The following NEK6 variants were observed in gnomAD, a reference collection of about 807,000 sequenced individuals.
NEK6 encodes serine/threonine-protein kinase Nek6.
A neutral mutation model predicts 43.5 loss-of-function variants in NEK6; 27 were observed. The ratio of observed to expected loss-of-function variants is 0.62; its 90% CI spans 0.46 to 0.86. The LOEUF is 0.86. Ranked by LOEUF, NEK6 falls within the 40% of genes least tolerant of loss-of-function variation. The pLI is 0.00. For missense variants in NEK6, 318 were observed against 414.4 expected (o/e 0.77, Z 2.02); for synonymous variants, 167 against 164.1 (o/e 1.02, Z -0.14).
intron 9 of NEK6, among the ~76,000 whole-genome samples, chr9:124,348,297 C>T (rs1830059630): frequency 6.6e-6 from 1 of 152,188 alleles, no homozygotes; most frequent in Non-Finnish European, 1.5e-5. Context: ...ACACCCTGGG[C>T]TTCTACTGTC....
At chr9:124,274,377 G>A (rs1831573434) in intron 1 of NEK6, among the ~76,000 whole-genome samples, 2 of 152,378 alleles carry the variant, frequency 1.3e-5, no homozygotes, top group African/African-American at 2.4e-5. Flanking sequence ...CAGATGCCTG[G>A]CACTGTGCTG....
At chr9:124,327,536 C>A in intron 7 of NEK6, 91 bp downstream of exon 7, 1 of 978,164 alleles carries the variant, frequency 1.0e-6, no homozygotes, top group South Asian at 1.3e-5. Context: ...TGTGTTTGGT[C>A]AGTTAGTGCA....
intron 7 of NEK6, among the ~76,000 whole-genome samples, chr9:124,332,497 T>C (rs1226271202): frequency 6.6e-6 from 1 of 152,164 alleles, no homozygotes; most frequent in Non-Finnish European, 1.5e-5. Flanking sequence ...CACCTGCCCC[T>C]GTCTGTCCCA....
intron 7 of NEK6, among the ~76,000 whole-genome samples, chr9:124,339,360 G>A (rs756068132): frequency 2.0e-5 from 3 of 152,010 alleles, no homozygotes; most frequent in Admixed American, 6.6e-5. Flanking sequence ...CACCCCAGGT[G>A]TTTAGTGCCC....
At chr9:124,305,567 AAAG>A (rs1454773908) in intron 2 of NEK6, among the ~76,000 whole-genome samples, 5 of 150,092 alleles carry the variant, frequency 3.3e-5, no homozygotes, top group African/African-American at 1.3e-4. Flanking sequence ...AAAAAAAAAA[AAAG>A]AAAAAGAAAA....
At chr9:124,314,921 A>C (rs1178779667) in intron 4 of NEK6, among the ~76,000 whole-genome samples, 1 of 151,998 alleles carries the variant, frequency 6.6e-6, no homozygotes, top group Non-Finnish European at 1.5e-5. Context: ...CAGCCTCCCA[A>C]AGTGCTGGGA....
chr9:124,277,532 G>GCTCTCCCCTTGGCACCCTCAGC (rs1831695114), intron 1 of NEK6, among the ~76,000 whole-genome samples: 1 of 152,124 alleles, frequency 6.6e-6, no homozygotes, highest in South Asian at 2.1e-4. Flanking sequence ...GCAGCGGAGG[G>GCTCTCCCCTTGGCACCCTCAGC]CTCTCCCCTT....
intron 7 of NEK6, among the ~76,000 whole-genome samples, chr9:124,335,686 G>C (rs926591757): frequency 6.6e-6 from 1 of 152,216 alleles, no homozygotes; most frequent in Non-Finnish European, 1.5e-5. Context: ...GCCGTCCTGC[G>C]CAGGGTACTG....
chr9:124,306,650 G>A (rs1833269439), intron 2 of NEK6, among the ~76,000 whole-genome samples: 1 of 152,178 alleles, frequency 6.6e-6, no homozygotes, highest in South Asian at 2.1e-4. Context: ...CAGGCCCATG[G>A]GACCCCACAG....
At chr9:124,325,833 A>T (rs907474662) in intron 5 of NEK6, among the ~76,000 whole-genome samples, 4 of 152,176 alleles carry the variant, frequency 2.6e-5, no homozygotes, top group Non-Finnish European at 5.9e-5. Flanking sequence ...ATTCCAGTGC[A>T]CTGAGATCTG....
intron 1 of NEK6, among the ~76,000 whole-genome samples, chr9:124,263,532 C>T (rs1375389073): frequency 2.6e-5 from 4 of 152,194 alleles, no homozygotes; most frequent in African/African-American, 7.2e-5. Context: ...AGATGCTCAG[C>T]GCCTTTTAAG....
rs1830327401 is a variant in NEK6 at position 124,352,633 on chromosome 9, A to G, written c.*1686A>G. On this transcript the variant is annotated 3_prime_UTR_variant, in exon 10 of 10. Transcript: ENST00000320246. ...GTTTCTGCCCTCATGAGGTAATTCC[A>G]TCGTTCTCCCCAGCCTGCCCCTGGC... The G allele has an allele frequency of 1.3e-5, 2 of 152,210 alleles. No individual in the cohort carries two copies. The highest frequency in any genetic ancestry group is 4.8e-5 in the African/African-American group (2 of 41,520). 9.4% of individuals were successfully genotyped at this position (152,210 alleles called of 1,614,324 possible). A position where few individuals can be genotyped will look rare whatever the true frequency, so the allele number is the denominator to read the frequency against.
At chr9:124,322,116 A>G in intron 5 of NEK6, among the ~76,000 whole-genome samples, 1 of 152,180 alleles carries the variant, frequency 6.6e-6, no homozygotes, top group Non-Finnish European at 1.5e-5. Context: ...GTGGGTACAG[A>G]GCCATGCCTG....
In NEK6 at chr9:124,301,951, G is replaced by A. The variant is rs79304695; in HGVS notation, c.-14G>A. 194 of 1,589,550 alleles carry A rather than the reference G, an allele frequency of 1.2e-4. 1 individual carries two copies. In the East Asian group the frequency reaches 4.4e-3, roughly 36 times the overall value. ...TCTGTTGCAGTTCGTGCCCTCGTGA[G>A]GCTGGCATGCAGGATGGCAGGACAG... On this transcript the variant is annotated 5_prime_UTR_variant, in exon 2 of 10. Coordinates refer to ENST00000320246, the MANE Select transcript of NEK6 (RefSeq NM_014397.6).
At chr9:124,304,526 TGA>T (rs1214301739) in intron 2 of NEK6, among the ~76,000 whole-genome samples, 2 of 152,182 alleles carry the variant, frequency 1.3e-5, no homozygotes, top group African/African-American at 4.8e-5. Context: ...GAAGACTAAG[TGA>T]GATAGTTACT....
At chr9:124,295,187 A>G (rs762643238) in intron 1 of NEK6, among the ~76,000 whole-genome samples, 1 of 152,232 alleles carries the variant, frequency 6.6e-6, no homozygotes, top group Non-Finnish European at 1.5e-5. Context: ...CCTGCACCTT[A>G]GAGCAGCCAG....
rs1241229552 is a variant in NEK6, at chr9:124,352,598, CAT to C, written c.*1652_*1653del. On this transcript the variant is annotated 3_prime_UTR_variant, in exon 10 of 10. Transcript: ENST00000320246. ...CTCCCCAAATAATTTTGAAACTCATCATCAGCCGAGTTTCTGCCCTCATGAGG... is the reference window on the plus strand; with the variant it reads ...CTCCCCAAATAATTTTGAAACTCATCCAGCCGAGTTTCTGCCCTCATGAGG... The C allele has an allele frequency of 5.3e-5, 8 of 152,136 alleles. No individual in the cohort carries two copies. Among genetic ancestry groups the C allele is most frequent in the African/African-American group, 1.9e-4 (8 of 41,440 alleles). 9.4% of individuals were successfully genotyped at this position (152,136 alleles called of 1,614,324 possible).
At position 124,341,601 on chromosome 9, in the gene NEK6, A is replaced by G. The variant is rs538157747; in HGVS notation, c.717+1936A>G. 4.6e-5 allele frequency among the ~76,000 whole-genome samples: 7 copies of G among 152,298 alleles called. No homozygotes were observed. The East Asian group carries it at 1.4e-3, about 29-fold the overall frequency. ...GAATGAGGACCTAGCTGGAGCAGCC[A>G]TGGCGAGTGTGTAGTGGATGGGGAA... On this transcript the variant is annotated intron_variant, in intron 8 of 9. Coordinates refer to ENST00000320246, the MANE Select transcript of NEK6 (RefSeq NM_014397.6).
Position 124,339,559 on chromosome 9 carries a change from G to T in NEK6, c.623-12G>T, listed in dbSNP as rs765601583. 1 of 1,605,824 alleles carries T rather than the reference G, an allele frequency of 6.2e-7. No individual in the cohort carries two copies. Among genetic ancestry groups the T allele is most frequent in the Middle Eastern group, 1.7e-4 (1 of 6,044 alleles). ...TGGAGCATAAGCAGCCCCGCCCCTTGCTGTGTTGCAGTGGGGACGCCCTAC... is the reference window on the plus strand; with the variant it reads ...TGGAGCATAAGCAGCCCCGCCCCTTTCTGTGTTGCAGTGGGGACGCCCTAC... On this transcript the variant is annotated splice_polypyrimidine_tract_variant and intron_variant, in intron 7 of 9. Transcript: ENST00000320246.
Sources: allele counts gnomAD v4.1 joint callset (sites outside exome capture counted in the v4.1 genomes callset), GRCh38; gene constraint gnomAD v4.1.1; transcripts MANE v1.5; gene names NCBI Gene and HGNC (gene_info 2026-07-23, HGNC 2026-07-21).